MAPT: variants seen among roughly 807,000 people sequenced by gnomAD.
MAPT encodes the protein microtubule associated protein tau, also known as microtubule-associated protein tau.
In MAPT, 34 loss-of-function variants were observed where a neutral mutation model predicts 67.9. The observed-to-expected ratio is 0.50, with a 90% CI of 0.38 to 0.67. The LOEUF is 0.67. Among genes scored for constraint, MAPT ranks in the 30% least tolerant of loss-of-function variants. The probability of loss-of-function intolerance (pLI) is 0.00; values close to 1 mark genes in which losing one functional copy is unlikely to be tolerated. For missense variants in MAPT, 881 were observed against 1,115.2 expected (o/e 0.79, Z 2.99); for synonymous variants, 456 against 464.5 (o/e 0.98, Z 0.23).
At chr17:45,988,171 C>T (rs894996886) in intron 6 of MAPT, among the ~76,000 whole-genome samples, 1 of 152,184 alleles carries the variant, frequency 6.6e-6, no homozygotes, top group African/African-American at 2.4e-5. Flanking sequence ...GCCTGTGTCC[C>T]TCCTCTCCCA....
intron 1 of MAPT, among the ~76,000 whole-genome samples, chr17:45,928,200 G>T (rs573279497): frequency 6.6e-6 from 1 of 152,116 alleles, no homozygotes; most frequent in East Asian, 1.9e-4. Context: ...CACACATCTG[G>T]CACCACCTCA....
At chr17:46,008,056 G>A (rs1432652527) in intron 9 of MAPT, among the ~76,000 whole-genome samples, 5 of 152,328 alleles carry the variant, frequency 3.3e-5, no homozygotes, top group Middle Eastern at 3.4e-3. Context: ...TCTGATGACC[G>A]TAGACCATAG....
rs892617756 is a variant in MAPT at position 45,973,568 on chromosome 17, C to G, written c.220+1623C>G. 7 of 152,316 alleles carry G rather than the reference C, an allele frequency of 4.6e-5. No homozygotes were observed. The East Asian group carries it at 1.4e-3, about 29-fold the overall frequency. 9.4% of individuals were successfully genotyped at this position (152,316 alleles called of 1,614,324 possible). A position where few individuals can be genotyped will look rare whatever the true frequency, so the allele number is the denominator to read the frequency against. ...TCTTGCCTGGTTGCTCCGCCTGCAC[C>G]CAAGACAACCATAATTAAAATGTCC... On this transcript the variant is annotated intron_variant, in intron 3 of 12. Coordinates refer to ENST00000262410, the MANE Select transcript of MAPT (RefSeq NM_001377265.1).
intron 1 of MAPT, among the ~76,000 whole-genome samples, chr17:45,953,276 G>T (rs1272266267): frequency 2.0e-5 from 3 of 152,322 alleles, no homozygotes; most frequent in South Asian, 2.1e-4. Context: ...ATCTTTCTGG[G>T]TCCTATTTTC....
intron 1 of MAPT, among the ~76,000 whole-genome samples, chr17:45,899,072 G>A (rs756330645): frequency 6.6e-6 from 1 of 152,162 alleles, no homozygotes; most frequent in Non-Finnish European, 1.5e-5. Context: ...GGGAAGAGAA[G>A]ACCCCAGCCT....
chr17:45,904,631 A>G (rs1276733126), intron 1 of MAPT, among the ~76,000 whole-genome samples: 1 of 151,036 alleles, frequency 6.6e-6, no homozygotes, highest in Non-Finnish European at 1.5e-5. Context: ...GTTCAAGGCT[A>G]CAGTGAGCTA....
intron 8 of MAPT, among the ~76,000 whole-genome samples, chr17:45,994,246 A>G (rs749461016): frequency 6.6e-6 from 1 of 152,154 alleles, no homozygotes; most frequent in Admixed American, 6.5e-5. Context: ...CTGTCTCCCT[A>G]TGTTTCAGAT....
Position 45,995,763 on chromosome 17 carries a change from G to C in MAPT, c.1733-636G>C, listed in dbSNP as rs1223802734. ...CTAGGGACAGGCAGGCGTGGAGCAG[G>C]CATCCTGTTCTGAAGGCCAAATCCC... On this transcript the variant is annotated intron_variant, in intron 8 of 12. Transcript: ENST00000262410. The surrounding 1 kb of genome is among the most constrained non-coding windows in gnomAD (Gnocchi z 4.3). Among the ~76,000 whole-genome samples, 1 of 152,108 alleles carries C rather than the reference G, an allele frequency of 6.6e-6. No homozygotes were observed. Among genetic ancestry groups the C allele is most frequent in the African/African-American group, 2.4e-5 (1 of 41,432 alleles).
Position 45,953,589 on chromosome 17 carries a change from T to C in MAPT, c.-17-8732T>C, listed in dbSNP as rs150392077. Reference sequence around the variant, plus strand: ...CAGTTTATTTATTTTGCATAGTAAATAGTAGCCTGTATTTTAAGGATGAGT... The same window carrying C: ...CAGTTTATTTATTTTGCATAGTAAACAGTAGCCTGTATTTTAAGGATGAGT... On this transcript the variant is annotated intron_variant, in intron 1 of 12. Coordinates refer to ENST00000262410, the MANE Select transcript of MAPT (RefSeq NM_001377265.1). Among the ~76,000 whole-genome samples the C allele has an allele frequency of 3.3e-3, 497 of 152,294 alleles. 5 individuals carry two copies. The highest frequency in any genetic ancestry group is 0.012 in the African/African-American group (480 of 41,568).
chr17:46,004,557 A>G (rs1313002205), intron 9 of MAPT, among the ~76,000 whole-genome samples: 1 of 152,220 alleles, frequency 6.6e-6, no homozygotes, highest in African/African-American at 2.4e-5. Context: ...GAGAAATTAA[A>G]TTTCAGGATT....
Position 46,027,023 on chromosome 17 carries a change from C to T in MAPT, c.*2852C>T, listed in dbSNP as rs1033843965. Reference sequence around the variant, plus strand: ...AACTCTCCACCAAGAGCCTCCCTGCCGTTCGCTGAGTCCCAGCAATTCTCC... The same window carrying T: ...AACTCTCCACCAAGAGCCTCCCTGCTGTTCGCTGAGTCCCAGCAATTCTCC... On this transcript the variant is annotated 3_prime_UTR_variant, in exon 13 of 13. Transcript: ENST00000262410. The T allele has an allele frequency of 3.3e-5, 5 of 151,104 alleles. No individual in the cohort carries two copies. The highest frequency in any genetic ancestry group is 1.2e-4 in the African/African-American group (5 of 41,354). The allele number at this position is 151,104 out of a possible 1,614,324, so 9.4% of individuals were successfully genotyped here.
chr17:45,936,194 G>T (rs534214927), intron 1 of MAPT, among the ~76,000 whole-genome samples: 3 of 152,208 alleles, frequency 2.0e-5, no homozygotes, highest in Non-Finnish European at 2.9e-5. Flanking sequence ...ATATCCAAGG[G>T]CATGGCCCAC....
intron 1 of MAPT, among the ~76,000 whole-genome samples, chr17:45,961,104 T>A (rs1483566509): frequency 6.6e-6 from 1 of 151,276 alleles, no homozygotes; most frequent in Admixed American, 6.6e-5. Flanking sequence ...CTGGCTCACC[T>A]GGGCTGCAGG....
rs548483977 is a variant in MAPT, at chr17:45,904,330, T to A, written c.-18+9644T>A. On this transcript the variant is annotated intron_variant, in intron 1 of 12. Coordinates refer to ENST00000262410, the MANE Select transcript of MAPT (RefSeq NM_001377265.1). ...ATATAAAAACATATATAATATATAT[T>A]ATATATTATATATATATTATATATA... 3.8e-4 allele frequency among the ~76,000 whole-genome samples: 17 copies of A among 44,452 alleles called. No homozygotes were observed. The South Asian group carries it at 0.011, about 29-fold the overall frequency. 29.2% of individuals were successfully genotyped at this position (44,452 alleles called of 152,430 possible).
intron 1 of MAPT, among the ~76,000 whole-genome samples, chr17:45,932,361 C>A (rs923457715): frequency 3.5e-4 from 54 of 152,172 alleles, no homozygotes; most frequent in African/African-American, 1.2e-3. Context: ...GAGGCTGAGG[C>A]AGGCAGATCA....
At chr17:45,907,824 C>G (rs2064432318) in intron 1 of MAPT, 2 of 152,216 alleles carry the variant, frequency 1.3e-5, no homozygotes, top group Admixed American at 1.3e-4. Flanking sequence ...CCTCGTTAAT[C>G]CTCAGTCCCG....
At chr17:45,968,765 G>A (rs1375184011) in intron 2 of MAPT, among the ~76,000 whole-genome samples, 2 of 152,220 alleles carry the variant, frequency 1.3e-5, no homozygotes, top group African/African-American at 4.8e-5. Flanking sequence ...AGCATGAGCA[G>A]TGCTACACTG....
At chr17:45,903,407 C>T (rs998568871) in intron 1 of MAPT, among the ~76,000 whole-genome samples, 7 of 151,930 alleles carry the variant, frequency 4.6e-5, no homozygotes, top group Non-Finnish European at 7.4e-5. Context: ...AAAGAGACTT[C>T]TTGGGTAATT....
rs964451729 is a variant in MAPT, at chr17:46,006,964, TAAAATAAAATAAAATAAATA to T, written c.1999-3342_1999-3323del. 9.0e-5 allele frequency among the ~76,000 whole-genome samples: 11 copies of T among 122,522 alleles called. No individual in the cohort carries two copies. In the South Asian group the frequency reaches 1.1e-3, roughly 13 times the overall value. 80.4% of individuals were successfully genotyped at this position (122,522 alleles called of 152,430 possible). On this transcript the variant is annotated intron_variant, in intron 9 of 12. Transcript: ENST00000262410. The stretch of plus-strand genomic sequence containing the variant: ...AATAAAATAAAATAATAAAATAAAA[TAAAATAAAATAAAATAAATA>T]AAATAAAATAAAATGTATAATTGGA...
Sources: gnomAD v4.1 joint callset for allele counts (sites outside exome capture counted in the v4.1 genomes callset) on GRCh38, gnomAD v4.1.1 for gene constraint, Gnocchi (gnomAD v3.1) non-coding constraint, MANE v1.5 for transcripts, NCBI Gene and HGNC (gene_info 2026-07-23, HGNC 2026-07-21) for gene names.